The following STK38 variants were observed in gnomAD, a reference collection of about 807,000 sequenced individuals.
STK38 encodes the protein serine/threonine kinase 38, also known as serine/threonine-protein kinase 38.
STK38 carries 26 observed loss-of-function variants against 59.0 expected under a neutral mutation model. The ratio of observed to expected loss-of-function variants is 0.44; its 90% CI spans 0.32 to 0.61. The LOEUF (loss-of-function observed/expected upper bound fraction) is 0.61, where lower values mean the gene tolerates loss of function less well. Among genes scored for constraint, STK38 ranks in the 20% least tolerant of loss-of-function variants. STK38 has a pLI of 0.04. For synonymous variants in STK38, 175 were observed against 176.6 expected (o/e 0.99, Z 0.07); for missense variants, 433 against 566.0 (o/e 0.76, Z 2.38).
In STK38 at chr6:36,521,753, T is replaced by A. The variant is rs371761736; in HGVS notation, c.371A>T (p.Asp124Val). ...VYAMKILRKA[D>V]MLEKEQVGHI... ...CTTTACCTGCTCTTTTTCAAGCATA[T>A]CTGCTTTACGGAGTATTTTCATTGC... The change falls in exon 5 of 14, where the codon GAT (aspartate) becomes GTT (valine). Residue 124 changes from aspartate to valine, a missense_variant. Transcript: ENST00000229812. 6.2e-7 allele frequency: 1 copy of A among 1,610,768 alleles called. No homozygotes were observed. The highest frequency in any genetic ancestry group is 8.5e-7 in the Non-Finnish European group (1 of 1,179,104).
At chr6:36,543,792 C>G (rs1777999420) in intron 1 of STK38, among the ~76,000 whole-genome samples, 1 of 152,112 alleles carries the variant, frequency 6.6e-6, no homozygotes, top group African/African-American at 2.4e-5. Flanking sequence ...CAGGGACATG[C>G]CATCACCCCC....
chr6:36,538,849 G>A (rs952147648), intron 2 of STK38, among the ~76,000 whole-genome samples: 5 of 125,042 alleles, frequency 4.0e-5, no homozygotes, highest in South Asian at 2.6e-4. Flanking sequence ...CCAAGACCAC[G>A]CCACTACACT....
rs538729030 is a variant in STK38, at chr6:36,546,067, T to C, written c.-6+1123A>G. Reference sequence around the variant, plus strand: ...CGATTCAACATTGGAGCTAAGATTATTGCTTAAGTCGCATGTCTAATCTCT... The same window carrying C: ...CGATTCAACATTGGAGCTAAGATTACTGCTTAAGTCGCATGTCTAATCTCT... On this transcript the variant is annotated intron_variant, in intron 1 of 13. Transcript: ENST00000229812. Among the ~76,000 whole-genome samples, 9 of 152,370 alleles carry C rather than the reference T, an allele frequency of 5.9e-5. No individual in the cohort carries two copies. The South Asian group carries it at 1.9e-3, about 32-fold the overall frequency.
chr6:36,519,785 A>G (rs993298262), intron 5 of STK38, among the ~76,000 whole-genome samples: 2 of 152,206 alleles, frequency 1.3e-5, no homozygotes, highest in African/African-American at 4.8e-5. Flanking sequence ...TTTTTGTCCC[A>G]TCAATAACTG....
In STK38 at chr6:36,494,910, A is replaced by C. The variant is rs1466481744; in HGVS notation, c.*874T>G. 1 of 152,254 alleles carries C rather than the reference A, an allele frequency of 6.6e-6. No homozygotes were observed. The highest frequency in any genetic ancestry group is 1.5e-5 in the Non-Finnish European group (1 of 68,068). 9.4% of individuals were successfully genotyped at this position (152,254 alleles called of 1,614,324 possible). ...CCTGGGCTCTCCTCGTTAGGTTCCC[A>C]GGAATAAATTGAGTTCCCATTGGCA... On this transcript the variant is annotated 3_prime_UTR_variant, in exon 14 of 14. Transcript: ENST00000229812.
At chr6:36,515,518 CCACACACACACACACACA>C (rs66494457) in intron 6 of STK38, 26 bp from the exon 7 acceptor site, 40 of 1,538,524 alleles carry the variant, frequency 2.6e-5, no homozygotes, top group Non-Finnish European at 3.2e-5. Context: ...TACAAAGCCA[CCACACACACACACACACA>C]CACACACACA....
intron 1 of STK38, among the ~76,000 whole-genome samples, chr6:36,544,946 T>A (rs951677132): frequency 6.6e-6 from 1 of 152,154 alleles, no homozygotes; most frequent in Non-Finnish European, 1.5e-5. Flanking sequence ...GTGCCTTCCA[T>A]ATAACAGGCA....
intron 1 of STK38, among the ~76,000 whole-genome samples, chr6:36,543,103 C>A (rs376520785): frequency 1.3e-5 from 2 of 151,178 alleles, no homozygotes; most frequent in Admixed American, 6.6e-5. Context: ...CTCGCTCTGT[C>A]GCCCAGGCTG....
chr6:36,534,114 A>C (rs1777732055), intron 2 of STK38, among the ~76,000 whole-genome samples: 1 of 152,334 alleles, frequency 6.6e-6, no homozygotes, highest in East Asian at 1.9e-4. Flanking sequence ...AATGTCATCA[A>C]GAGGGTTTTA....
At chr6:36,515,586 T>C in intron 6 of STK38, 94 bp from the exon 7 acceptor site, 2 of 1,576,764 alleles carry the variant, frequency 1.3e-6, no homozygotes, top group East Asian at 2.3e-5. Flanking sequence ...TTTTCAGATA[T>C]GTCTTCCCTA....
rs552833523 is a variant in STK38, at chr6:36,527,774, A to C, written c.132-2132T>G. On this transcript the variant is annotated intron_variant, in intron 2 of 13. Coordinates refer to ENST00000229812, the MANE Select transcript of STK38 (RefSeq NM_007271.4). ...TCATCAGCATTCCAGATAAACAGGC[A>C]ATGTGTACAAACAGAGCAAAGAAGG... is the stretch of plus-strand genomic sequence containing the variant. 1.8e-4 allele frequency among the ~76,000 whole-genome samples: 27 copies of C among 152,144 alleles called. No individual in the cohort carries two copies. The South Asian group carries it at 5.6e-3, about 32-fold the overall frequency.
intron 6 of STK38, 152 bp from the exon 7 acceptor site, chr6:36,515,644 TAG>T: frequency 7.4e-7 from 1 of 1,344,542 alleles, no homozygotes; most frequent in East Asian, 2.6e-5. Context: ...GTGCCAGAGA[TAG>T]ACCCACATGG....
chr6:36,506,440 A>T, intron 9 of STK38, 143 bp downstream of exon 9: 1 of 813,866 alleles, frequency 1.2e-6, no homozygotes, highest in Non-Finnish European at 1.9e-6. Flanking sequence ...GGTCCTACCA[A>T]CCTAACAACA....
At position 36,507,507 on chromosome 6, in the gene STK38, A is replaced by C. The variant is rs543749058; in HGVS notation, c.765T>G (p.Ser255Arg). 1 of 1,613,952 alleles carries C rather than the reference A, an allele frequency of 6.2e-7. No homozygotes were observed. The highest frequency in any genetic ancestry group is 1.1e-5 in the South Asian group (1 of 91,068). The change falls in exon 8 of 14, where the codon AGT becomes AGG. Residue 255 changes from serine (S) to arginine (R), a missense_variant. Coordinates refer to ENST00000229812, the MANE Select transcript of STK38 (RefSeq NM_007271.4). ...GTAATTGTTACCACTTACTGAAATC[A>C]CTGGGGAGGCTGTGGTTCAGATTCC... ...FYRNLNHSLP[S>R]DFTFQNMNSK... is the part of the protein sequence containing the mutation.
chr6:36,521,982 AT>A (rs1405771884), intron 4 of STK38, among the ~76,000 whole-genome samples, 165 bp from the exon 5 acceptor site: 1 of 152,228 alleles, frequency 6.6e-6, no homozygotes, highest in Non-Finnish European at 1.5e-5. Flanking sequence ...TCCAAAATGA[AT>A]ACATTACACA....
chr6:36,531,916 GA>G (rs1266120737), intron 2 of STK38, among the ~76,000 whole-genome samples: 1 of 152,072 alleles, frequency 6.6e-6, no homozygotes, highest in Non-Finnish European at 1.5e-5. Context: ...ATGGAACAGG[GA>G]AAGAGTTGCA....
In STK38 at chr6:36,510,336, C is replaced by T. The variant is rs1283604670; in HGVS notation, c.670-2734G>A. Among the ~76,000 whole-genome samples, 5 of 152,370 alleles carry T rather than the reference C, an allele frequency of 3.3e-5. No homozygotes were observed. In the East Asian group the frequency reaches 5.8e-4, roughly 18 times the overall value. ...CCGCCCCAAGTGTGCGCACACCTGA[C>T]CAGGTCTCAGTAGAACCCAGGCTCG... On this transcript the variant is annotated intron_variant, in intron 7 of 13. Transcript: ENST00000229812.
At chr6:36,526,679 G>T (rs1370020878) in intron 2 of STK38, among the ~76,000 whole-genome samples, 2 of 151,706 alleles carry the variant, frequency 1.3e-5, no homozygotes, top group Admixed American at 6.6e-5. Flanking sequence ...TGGATCACTT[G>T]ATGTCAGGAG....
chr6:36,497,971 A>C lies in STK38; in HGVS notation c.1077-96T>G, dbSNP rs979138119. The C allele has an allele frequency of 2.6e-5, 21 of 811,050 alleles. No individual in the cohort carries two copies. The African/African-American group carries it at 3.0e-4, about 12-fold the overall frequency. 50.2% of individuals were successfully genotyped at this position (811,050 alleles called of 1,614,324 possible). A position where few individuals can be genotyped will look rare whatever the true frequency, so the allele number is the denominator to read the frequency against. On this transcript the variant is annotated intron_variant, in intron 11 of 13. Transcript: ENST00000229812. ...TTTTTTTTTTTTGAGACAGCATCTC[A>C]CTCTGTCACCCAGGCTGGAGTGCAG...
Sources: allele counts gnomAD v4.1 joint callset (sites outside exome capture counted in the v4.1 genomes callset), GRCh38; gene constraint gnomAD v4.1.1; transcripts MANE v1.5; gene names NCBI Gene and HGNC (gene_info 2026-07-23, HGNC 2026-07-21).